The following MAPK8IP3 variants were observed in gnomAD, a reference collection of about 807,000 sequenced individuals.
MAPK8IP3 encodes the protein mitogen-activated protein kinase 8 interacting protein 3, also known as C-Jun-amino-terminal kinase-interacting protein 3.
Under a neutral mutation model 157.8 loss-of-function variants are expected in MAPK8IP3, and 49 were observed. The ratio of observed to expected loss-of-function variants is 0.31; its 90% confidence interval spans 0.25 to 0.39. The LOEUF is 0.39. MAPK8IP3 is among the 10% of genes least tolerant of loss of function. MAPK8IP3 has a pLI of 1.00. For missense variants in MAPK8IP3, 1,478 were observed against 1,889.4 expected (o/e 0.78, Z 4.04); for synonymous variants, 897 against 777.7 (o/e 1.15, Z -2.55).
intron 4 of MAPK8IP3, among the ~76,000 whole-genome samples, chr16:1,737,451 AGTGT>A (rs1185169471): frequency 1.7e-5 from 1 of 60,162 alleles, no homozygotes; most frequent in Non-Finnish European, 3.1e-5. Context: ...CGTCCGTGTG[AGTGT>A]GACCACCCAT....
chr16:1,756,218 A>G (rs569624488), intron 8 of MAPK8IP3, among the ~76,000 whole-genome samples: 1 of 152,302 alleles, frequency 6.6e-6, no homozygotes, highest in Non-Finnish European at 1.5e-5. Context: ...AGATATTCCC[A>G]TAGAGAAACA....
At chr16:1,768,445 G>T (rs201963813) in intron 30 of MAPK8IP3, 32 bp from the exon 31 acceptor site, 1 of 1,589,516 alleles carries the variant, frequency 6.3e-7, no homozygotes, top group African/African-American at 1.3e-5. Context: ...CCCCCAGGAG[G>T]CCGCTGTCCT....
Position 1,762,910 on chromosome 16 carries a change from A to G in MAPK8IP3, c.1802A>G (p.Tyr601Cys). The G allele has an allele frequency of 6.2e-7, 1 of 1,612,836 alleles. No individual in the cohort carries two copies. The highest frequency in any genetic ancestry group is 8.5e-7 in the Non-Finnish European group (1 of 1,179,926). The change falls in exon 16 of 32, where the codon TAC becomes TGC. Residue 601 changes from tyrosine to cysteine, a missense_variant. Coordinates refer to ENST00000610761, the MANE Select transcript of MAPK8IP3 (RefSeq NM_001318852.2). ...CCCTATCCCTCGGTGAACATCCACTACAAGTCACCCACCACTGCCGGCTTC... is the reference window on the plus strand; with the variant it reads ...CCCTATCCCTCGGTGAACATCCACTGCAAGTCACCCACCACTGCCGGCTTC... ...KRPYPSVNIHYKSPTTAGFSQ... is the reference protein window; with the variant it reads ...KRPYPSVNIHCKSPTTAGFSQ...
At chr16:1,761,633 A>G (rs1361545737) in intron 13 of MAPK8IP3, among the ~76,000 whole-genome samples, 2 of 143,876 alleles carry the variant, frequency 1.4e-5, no homozygotes, top group Admixed American at 6.8e-5. Flanking sequence ...CGGGGCGGCC[A>G]CCATTCACCA....
At position 1,745,069 on chromosome 16, in the gene MAPK8IP3, G is replaced by A. The variant is rs965029392; in HGVS notation, c.747+1593G>A. ...GTGCATTTGGAGGTCACTGCTACAC[G>A]TTGATGTTTAGGAGGTTGAGAGGTT... On this transcript the variant is annotated intron_variant, in intron 5 of 31. Coordinates refer to ENST00000610761, the MANE Select transcript of MAPK8IP3 (RefSeq NM_001318852.2). 11 of 985,276 alleles carry A rather than the reference G, an allele frequency of 1.1e-5. No homozygotes were observed. The African/African-American group carries it at 1.6e-4, about 14-fold the overall frequency. 61.0% of individuals were successfully genotyped at this position (985,276 alleles called of 1,614,324 possible).
At chr16:1,721,307 CAAA>C (rs59666950) in intron 1 of MAPK8IP3, among the ~76,000 whole-genome samples, 5 of 70,618 alleles carry the variant, frequency 7.1e-5, no homozygotes, top group Non-Finnish European at 1.4e-4. Flanking sequence ...CACTCTATCT[CAAA>C]AAAAAAAAAA....
chr16:1,714,011 G>A (rs1024238496), intron 1 of MAPK8IP3: 2 of 152,168 alleles, frequency 1.3e-5, no homozygotes, highest in Non-Finnish European at 2.9e-5. Flanking sequence ...CCTGCCTTCA[G>A]TCACTGTAGG....
chr16:1,748,400 C>G, intron 7 of MAPK8IP3, 54 bp downstream of exon 7: 1 of 1,487,690 alleles, frequency 6.7e-7, no homozygotes, highest in Non-Finnish European at 9.3e-7. Context: ...TTATCCAAGT[C>G]GGTGTCTTTG....
intron 8 of MAPK8IP3, among the ~76,000 whole-genome samples, chr16:1,755,144 A>G (rs60134863): frequency 1.3e-5 from 2 of 152,336 alleles, no homozygotes; most frequent in East Asian, 1.9e-4. Flanking sequence ...AACCTGTGAT[A>G]CGAGCTCATG....
chr16:1,755,446 C>T lies in MAPK8IP3; in HGVS notation c.1217-2702C>T, dbSNP rs114727791. 5.4e-3 allele frequency among the ~76,000 whole-genome samples: 816 copies of T among 152,276 alleles called. 10 individuals carry two copies. Among genetic ancestry groups the T allele is most frequent in the African/African-American group, 0.018 (738 of 41,532 alleles). On this transcript the variant is annotated intron_variant, in intron 8 of 31. Transcript: ENST00000610761. ...TCTGAAGTGGGAGGATCACTTGAGC[C>T]TGGGAGTTCAAGGATATAGTGAGCC...
In MAPK8IP3 at chr16:1,724,801, G is replaced by T; in HGVS notation, c.439+124G>T. 7.7e-7 allele frequency: 1 copy of T among 1,293,986 alleles called. No homozygotes were observed. The allele number at this position is 1,293,986 out of a possible 1,614,324, so 80.2% of individuals were successfully genotyped here. The stretch of plus-strand genomic sequence containing the variant: ...GAGAGGAAGCCCAGTGGGAGCCTCA[G>T]CCATGTATTCCAGCTCTTTGTACTG... On this transcript the variant is annotated intron_variant, in intron 2 of 31. Transcript: ENST00000610761. This position sits in a 1 kb window ranked among gnomAD's most constrained non-coding sequence, Gnocchi z 4.1.
Position 1,706,223 on chromosome 16 carries a change from T to TGAGGCGACAGCAGCTGCGG in MAPK8IP3, c.-108_-90dup. The TGAGGCGACAGCAGCTGCGG allele has an allele frequency of 9.6e-6, 9 of 937,654 alleles. No individual in the cohort carries two copies. In the East Asian group the frequency reaches 1.0e-4, roughly 11 times the overall value. The allele number at this position is 937,654 out of a possible 1,614,324, so 58.1% of individuals were successfully genotyped here. On this transcript the variant is annotated 5_prime_UTR_variant, in exon 1 of 32. Transcript: ENST00000610761. The surrounding 1 kb of genome is among the most constrained non-coding windows in gnomAD (Gnocchi z 5.1). Reference sequence around the variant, plus strand: ...CTCGGCAGCGGCGGCGGCGGAGCCCTGAGGCGACAGCAGCTGCGGGAGGCG... The same window carrying TGAGGCGACAGCAGCTGCGG: ...CTCGGCAGCGGCGGCGGCGGAGCCCTGAGGCGACAGCAGCTGCGGGAGGCGACAGCAGCTGCGGGAGGCG...
In MAPK8IP3 at chr16:1,768,780, C is replaced by T. The variant is rs762702208; in HGVS notation, c.3970C>T (p.Arg1324Cys). 22 of 1,612,566 alleles carry T rather than the reference C, an allele frequency of 1.4e-5. 1 individual carries two copies. The highest frequency in any genetic ancestry group is 1.2e-4 in the South Asian group (11 of 91,084). Residue 1324 changes from arginine (R) to cysteine (C), a missense_variant, in exon 32 of 32, where the codon CGC becomes TGC. This residue lies in a region of MAPK8IP3 where 133 missense variants were observed against 133.4 expected (regional missense o/e 1.00). Coordinates refer to ENST00000610761, the MANE Select transcript of MAPK8IP3 (RefSeq NM_001318852.2). ...GAAGCCCGTGCTGTCCAAGGCAGAG[C>T]GCAGTCACATCATCGTGTGGCAGGT... Reference protein sequence around the residue: ...QVKPVLSKAERSHIIVWQVSY... With the variant: ...QVKPVLSKAECSHIIVWQVSY...
intron 16 of MAPK8IP3, among the ~76,000 whole-genome samples, chr16:1,763,258 G>T (rs575874443): frequency 6.6e-6 from 1 of 152,352 alleles, no homozygotes; most frequent in East Asian, 1.9e-4. Context: ...AACAGTCAGG[G>T]GGCTGTGCTG....
chr16:1,724,481 T>C lies in MAPK8IP3; in HGVS notation c.319-76T>C, dbSNP rs202033602. Reference sequence around the variant, plus strand: ...CTTTGGCCCCTGGGCCCTCAAAGCCTGCGGCCCTTCAAGTGAAAGGCGGCT... The same window carrying C: ...CTTTGGCCCCTGGGCCCTCAAAGCCCGCGGCCCTTCAAGTGAAAGGCGGCT... On this transcript the variant is annotated intron_variant, in intron 1 of 31. Transcript: ENST00000610761. This position sits in a 1 kb window ranked among gnomAD's most constrained non-coding sequence, Gnocchi z 4.1. 5,879 of 1,560,730 alleles carry C rather than the reference T, an allele frequency of 3.8e-3. 18 individuals are homozygous for C. Among genetic ancestry groups the C allele is most frequent in the Non-Finnish European group, 4.7e-3 (5,459 of 1,150,786 alleles).
intron 21 of MAPK8IP3, 21 bp downstream of exon 21, chr16:1,766,163 C>T (rs574492893): frequency 1.6e-4 from 260 of 1,602,210 alleles, no homozygotes; most frequent in Admixed American, 3.7e-4. Context: ...GGCGAGTTTC[C>T]CCCATCCCCT....
At chr16:1,718,149 G>T (rs925134675) in intron 1 of MAPK8IP3, among the ~76,000 whole-genome samples, 1 of 151,744 alleles carries the variant, frequency 6.6e-6, no homozygotes, top group African/African-American at 2.4e-5. Context: ...CACCAAGCCC[G>T]GCTGAAAATT....
chr16:1,745,991 G>T, intron 5 of MAPK8IP3: 1 of 152,412 alleles, frequency 6.6e-6, no homozygotes. Flanking sequence ...GCTGTGGAGA[G>T]GGCTGGATAC....
intron 1 of MAPK8IP3, among the ~76,000 whole-genome samples, chr16:1,708,879 G>A (rs2037571986): frequency 6.6e-6 from 1 of 152,202 alleles, no homozygotes; most frequent in Admixed American, 6.5e-5. Context: ...CTCCTCTACT[G>A]AATCAAGCAG....
Sources: gnomAD v4.1 joint callset for allele counts (sites outside exome capture counted in the v4.1 genomes callset) on GRCh38, gnomAD v4.1.1 for gene constraint, gnomAD v4.1.1 regional missense constraint, Gnocchi (gnomAD v3.1) non-coding constraint, MANE v1.5 for transcripts, NCBI Gene and HGNC (gene_info 2026-07-23, HGNC 2026-07-21) for gene names.